The following TMIE variants were observed in gnomAD, a reference collection of about 807,000 sequenced individuals.
TMIE encodes transmembrane inner ear expressed protein.
TMIE carries 14 observed loss-of-function variants against 16.8 expected under a neutral mutation model. The ratio of observed to expected loss-of-function variants is 0.83; its 90% confidence interval spans 0.55 to 1.30. The LOEUF (loss-of-function observed/expected upper bound fraction) is 1.30. Ranked by LOEUF, TMIE falls within the 50% of genes most tolerant of loss-of-function variation. TMIE has a pLI of 0.00. For synonymous variants in TMIE, 75 were observed against 87.2 expected, an observed-to-expected ratio of 0.86 and a Z score of 0.78; for missense variants, 204 against 205.9, an observed-to-expected ratio of 0.99 and a Z score of 0.06.
At chr3:46,699,130 T>C (rs562168583), upstream of TMIE, among the ~76,000 whole-genome samples, 3 of 132,030 alleles carry the variant, frequency 2.3e-5, no homozygotes, top group Non-Finnish European at 4.7e-5. Flanking sequence ...TGGAGTGCAA[T>C]GGCACGATCT....
upstream of TMIE, among the ~76,000 whole-genome samples, chr3:46,699,314 G>A (rs1422763328): frequency 6.6e-6 from 1 of 152,056 alleles, no homozygotes; most frequent in African/African-American, 2.4e-5. Flanking sequence ...CGGGTGATCT[G>A]CCCACCTCGG....
At chr3:46,697,697 TGTCTTGGGGCTGGGTGGGCA>T (rs1700423006), upstream of TMIE, among the ~76,000 whole-genome samples, 1 of 151,794 alleles carries the variant, frequency 6.6e-6, no homozygotes, top group African/African-American at 2.4e-5. Flanking sequence ...TGGCAACTGG[TGTCTTGGGGCTGGGTGGGCA>T]GTCTTGGGAA....
At chr3:46,703,027 C>G (rs1685232906) in intron 1 of TMIE, among the ~76,000 whole-genome samples, 1 of 152,188 alleles carries the variant, frequency 6.6e-6, no homozygotes, top group Non-Finnish European at 1.5e-5. Flanking sequence ...TTTCCCAGTT[C>G]TAGGGAAATT....
At position 46,710,195 on chromosome 3, in the gene TMIE, G is replaced by C. The variant is rs1456048060; in HGVS notation, c.*507G>C. 4.4e-6 allele frequency: 1 copy of C among 226,800 alleles called. No individual in the cohort carries two copies. The highest frequency in any genetic ancestry group is 8.8e-6 in the Non-Finnish European group (1 of 113,138). 14.0% of individuals were successfully genotyped at this position (226,800 alleles called of 1,614,324 possible). ...AGGGACTCTGTCTGGCCAGGGAGGA[G>C]CCCCAGTGGTGAGAAGACTTCCCCA... On this transcript the variant is annotated 3_prime_UTR_variant, in exon 4 of 4. Transcript: ENST00000643606.
At chr3:46,694,584 C>A (rs1022084887) in exon 1 of TMIE, 6 of 152,300 alleles carry the variant, frequency 3.9e-5, no homozygotes, top group African/African-American at 1.4e-4. Context: ...GGAGGCATCC[C>A]CCAACCTGCC....
chr3:46,705,933 C>A, intron 2 of TMIE, 26 bp downstream of exon 2: 1 of 1,603,574 alleles, frequency 6.2e-7, no homozygotes, highest in Non-Finnish European at 8.5e-7. Context: ...CTTCCCTCTC[C>A]ACCACACTGC....
upstream of TMIE, among the ~76,000 whole-genome samples, chr3:46,699,086 T>TTTG (rs1700440699): frequency 6.9e-6 from 1 of 145,274 alleles, no homozygotes; most frequent in African/African-American, 2.6e-5. Flanking sequence ...TTTTTTTTTT[T>TTTG]GAGACAGAGT....
chr3:46,706,610 A>G (rs1700555874), intron 2 of TMIE, among the ~76,000 whole-genome samples: 1 of 151,368 alleles, frequency 6.6e-6, no homozygotes, highest in Non-Finnish European at 1.5e-5. Context: ...AGTGGGGGGG[A>G]ATGTAGGAGG....
intron 2 of TMIE, among the ~76,000 whole-genome samples, chr3:46,708,135 T>C (rs1381837308): frequency 1.3e-5 from 2 of 152,192 alleles, no homozygotes; most frequent in East Asian, 1.9e-4. Context: ...CATTCATTCA[T>C]TCATTGATTT....
intron 2 of TMIE, among the ~76,000 whole-genome samples, chr3:46,706,251 G>C (rs1700551377): frequency 1.3e-5 from 2 of 152,190 alleles, no homozygotes; most frequent in Admixed American, 1.3e-4. Context: ...CAGCTTAAAG[G>C]CCCACACCCA....
chr3:46,705,146 C>G (rs996814168), intron 1 of TMIE, among the ~76,000 whole-genome samples: 1 of 152,188 alleles, frequency 6.6e-6, no homozygotes, highest in Non-Finnish European at 1.5e-5. Context: ...TGGCTGTGCT[C>G]TATTCAGGCT....
upstream of TMIE, among the ~76,000 whole-genome samples, chr3:46,698,378 G>A (rs1190070872): frequency 2.0e-5 from 3 of 151,908 alleles, no homozygotes; most frequent in Non-Finnish European, 4.4e-5. Context: ...GTATCACACA[G>A]CCTTTAACAA....
chr3:46,702,789 G>T (rs1361517598), intron 1 of TMIE, among the ~76,000 whole-genome samples: 3 of 152,250 alleles, frequency 2.0e-5, no homozygotes, highest in Middle Eastern at 3.4e-3. Context: ...CTGTTGCCCA[G>T]AGGGCATGAC....
At chr3:46,707,200 C>T (rs1700561980) in intron 2 of TMIE, among the ~76,000 whole-genome samples, 1 of 152,212 alleles carries the variant, frequency 6.6e-6, no homozygotes, top group Non-Finnish European at 1.5e-5. Flanking sequence ...CGGGGGTCAT[C>T]TGCCCTACAG....
At position 46,709,563 on chromosome 3, in the gene TMIE, T is replaced by TC; in HGVS notation, c.362-11dup. On this transcript the variant is annotated splice_polypyrimidine_tract_variant and intron_variant, in intron 3 of 3. Transcript: ENST00000643606. Reference sequence around the variant, plus strand: ...GTCTCACCACTATCACATGGTCTCTTCCCCCTGCCCCACAGAGGATAAGAA... The same window carrying TC: ...GTCTCACCACTATCACATGGTCTCTTCCCCCCTGCCCCACAGAGGATAAGAA... The TC allele has an allele frequency of 6.2e-7, 1 of 1,606,828 alleles. No individual in the cohort carries two copies. Among genetic ancestry groups the TC allele is most frequent in the Non-Finnish European group, 8.5e-7 (1 of 1,178,716 alleles).
At chr3:46,700,443 C>T (rs999771629), upstream of TMIE, among the ~76,000 whole-genome samples, 2 of 152,154 alleles carry the variant, frequency 1.3e-5, no homozygotes, top group Admixed American at 6.5e-5. Context: ...CCCCAGCCTG[C>T]GCAGGCCTTC....
chr3:46,696,618 C>G (rs1020576429), upstream of TMIE, among the ~76,000 whole-genome samples: 2 of 152,068 alleles, frequency 1.3e-5, no homozygotes, highest in Non-Finnish European at 2.9e-5. Flanking sequence ...TCATTTCCTA[C>G]CCCCAGCTCC....
chr3:46,705,863 T>C lies in TMIE; in HGVS notation c.167T>C (p.Leu56Pro). ...ACAGTGGTGTTCTGGGACATGCGCC[T>C]GTGGCACGTGGTGGGCATCTTTTCG... ...KETVVFWDMR[L>P]WHVVGIFSLF... is the part of the protein sequence containing the mutation. The change falls in exon 2 of 4, where the codon CTG becomes CCG. Residue 56 changes from leucine to proline, a missense_variant. Coordinates refer to ENST00000643606, the MANE Select transcript of TMIE (RefSeq NM_147196.3). 6.2e-7 allele frequency: 1 copy of C among 1,614,160 alleles called. No homozygotes were observed. Among genetic ancestry groups the C allele is most frequent in the South Asian group, 1.1e-5 (1 of 91,088 alleles).
intron 3 of TMIE, 134 bp from the exon 4 acceptor site, chr3:46,709,445 G>A: frequency 3.1e-6 from 5 of 1,604,620 alleles, no homozygotes; most frequent in South Asian, 1.1e-5. Flanking sequence ...ATAGAACGAT[G>A]AGCCTATTCT....
Sources: gnomAD v4.1 joint callset for allele counts (sites outside exome capture counted in the v4.1 genomes callset) on GRCh38, gnomAD v4.1.1 for gene constraint, MANE v1.5 for transcripts, NCBI Gene and HGNC (gene_info 2026-07-23, HGNC 2026-07-21) for gene names.